The following ADAMTS7 variants were observed in gnomAD, a reference collection of about 807,000 sequenced individuals.
ADAMTS7 encodes the protein ADAM metallopeptidase with thrombospondin type 1 motif 7.
A neutral mutation model predicts 172.6 loss-of-function variants in ADAMTS7; 89 were observed. That is an observed-to-expected ratio of 0.52 (90% CI 0.43 to 0.61). The LOEUF is 0.61. ADAMTS7 is among the 20% of genes least tolerant of loss of function. The probability of loss-of-function intolerance (pLI) is 0.00; values close to 1 mark genes in which losing one functional copy is unlikely to be tolerated. For synonymous variants in ADAMTS7, 885 were observed against 978.4 expected, an observed-to-expected ratio of 0.90 and a Z score of 1.78; for missense variants, 1,973 against 2,355.6, an observed-to-expected ratio of 0.84 and a Z score of 3.36.
At chr15:78,762,653 G>A (rs1471075237) in intron 22 of ADAMTS7, 88 bp from the exon 23 acceptor site, 17 of 1,106,208 alleles carry the variant, frequency 1.5e-5, no homozygotes, top group South Asian at 5.1e-5. Context: ...CCGTCCCTGC[G>A]CCCTGTGCCT....
At chr15:78,767,684 C>G in intron 17 of ADAMTS7, 92 bp from the exon 18 acceptor site, 1 of 1,247,978 alleles carries the variant, frequency 8.0e-7, no homozygotes, top group Non-Finnish European at 1.1e-6. Flanking sequence ...CTTCCAGGCC[C>G]TCGGCATTTG....
chr15:78,763,738 G>C lies in ADAMTS7; in HGVS notation c.4701C>G (p.Thr1567=). 6.3e-7 allele frequency: 1 copy of C among 1,593,482 alleles called. No homozygotes were observed. The highest frequency in any genetic ancestry group is 2.2e-5 in the East Asian group (1 of 44,554). The stretch of plus-strand genomic sequence containing the variant: ...CCACCACCCACTGCGTGCAGGGGTG[G>C]GTGTTGCAGGGCCGGGTGGTGTTGG... ...LRPNTTRPCN[T]HPCTQWVVGP... Residue 1567 remains threonine (T), a synonymous_variant, in exon 22 of 24, where the codon ACC becomes ACG. Transcript: ENST00000388820.
chr15:78,792,197 T>C (rs1279500959), intron 4 of ADAMTS7, among the ~76,000 whole-genome samples: 1 of 152,056 alleles, frequency 6.6e-6, no homozygotes, highest in Admixed American at 6.5e-5. Flanking sequence ...AACAGCGATA[T>C]CATGTGCCAC....
chr15:78,779,643 G>A (rs1468108631), intron 8 of ADAMTS7, among the ~76,000 whole-genome samples: 6 of 152,170 alleles, frequency 3.9e-5, no homozygotes, highest in Non-Finnish European at 8.8e-5. Context: ...AGCGGCGGGT[G>A]GTGGGGTCAG....
At position 78,777,559 on chromosome 15, in the gene ADAMTS7, G is replaced by A. The variant is rs1301128339; in HGVS notation, c.1352C>T (p.Pro451Leu). Residue 451 changes from proline (P) to leucine (L), a missense_variant, in exon 9 of 24, where the codon CCT becomes CTT. By Grantham distance (98) the Pro-to-Leu change is moderately conservative. This residue lies in a region of ADAMTS7 where 526 missense variants were observed against 662.9 expected (regional missense o/e 0.79). Coordinates refer to ENST00000388820, the MANE Select transcript of ADAMTS7 (RefSeq NM_014272.5). ...DRGWGLCLDD[P>L]PAKDIIDFPS... The stretch of plus-strand genomic sequence containing the variant: ...GAAGTCGATAATGTCCTTGGCAGGA[G>A]GGTCGTCCAGGCACAGGCCCCACCC... The A allele has an allele frequency of 1.2e-6, 2 of 1,607,256 alleles. No homozygotes were observed. Among genetic ancestry groups the A allele is most frequent in the Non-Finnish European group, 1.7e-6 (2 of 1,177,200 alleles).
intron 7 of ADAMTS7, among the ~76,000 whole-genome samples, 194 bp from the exon 8 acceptor site, chr15:78,788,568 T>G (rs1025866362): frequency 6.6e-6 from 1 of 152,220 alleles, no homozygotes; most frequent in African/African-American, 2.4e-5. Context: ...AATGAGGGTA[T>G]GACAGCTAGT....
chr15:78,810,410 G>T (rs910146624), intron 1 of ADAMTS7: 1 of 152,342 alleles, frequency 6.6e-6, no homozygotes. Context: ...CGGCCGCCCG[G>T]CAGGTCGCCG....
At chr15:78,800,154 C>A in intron 2 of ADAMTS7, 38 bp downstream of exon 2, 1 of 1,552,366 alleles carries the variant, frequency 6.4e-7, no homozygotes. Flanking sequence ...TCCCACCACC[C>A]GAGACTGCCC....
At chr15:78,790,253 G>C (rs974526183) in intron 6 of ADAMTS7, among the ~76,000 whole-genome samples, 1 of 152,070 alleles carries the variant, frequency 6.6e-6, no homozygotes, top group Non-Finnish European at 1.5e-5. Flanking sequence ...TGTGGGGGTG[G>C]GTAGGTGAAC....
At chr15:78,795,852 G>A (rs1055148563) in intron 4 of ADAMTS7, among the ~76,000 whole-genome samples, 6 of 152,242 alleles carry the variant, frequency 3.9e-5, no homozygotes, top group East Asian at 3.9e-4. Flanking sequence ...TGCAGTAGTC[G>A]GCTCCAGGAA....
intron 22 of ADAMTS7, 133 bp downstream of exon 22, chr15:78,763,566 G>A (rs746895285): frequency 2.4e-5 from 30 of 1,226,234 alleles, no homozygotes; most frequent in Admixed American, 3.4e-5. Flanking sequence ...CCAGCCGGGC[G>A]GGGCCTCGTC....
intron 16 of ADAMTS7, among the ~76,000 whole-genome samples, chr15:78,769,374 C>T (rs1423164588): frequency 7.9e-5 from 12 of 152,314 alleles, no homozygotes; most frequent in Non-Finnish European, 1.3e-4. Context: ...GTCCCACATC[C>T]GTCCCCCTCT....
chr15:78,790,586 C>G (rs1248446660), intron 6 of ADAMTS7, 84 bp downstream of exon 6: 2 of 1,566,006 alleles, frequency 1.3e-6, no homozygotes, highest in Non-Finnish European at 1.7e-6. Context: ...GACAGCACGG[C>G]CCCCTCCTCC....
intron 8 of ADAMTS7, among the ~76,000 whole-genome samples, chr15:78,779,634 G>T (rs2055402556): frequency 6.6e-6 from 1 of 152,202 alleles, no homozygotes; most frequent in African/African-American, 2.4e-5. Context: ...CAGAGTATCA[G>T]CGGCGGGTGG....
intron 8 of ADAMTS7, among the ~76,000 whole-genome samples, chr15:78,780,651 A>G (rs2055415561): frequency 6.6e-6 from 1 of 151,974 alleles, no homozygotes; most frequent in African/African-American, 2.4e-5. Flanking sequence ...ACCCTCTTGG[A>G]CAAGCTCCAG....
At chr15:78,810,991 G>A (rs1383164772) in intron 1 of ADAMTS7, 130 bp downstream of exon 1, 6 of 1,025,950 alleles carry the variant, frequency 5.8e-6, no homozygotes, top group East Asian at 6.6e-5. Context: ...CCAGGGAGCG[G>A]AAGACGCGAC....
At chr15:78,777,994 C>A (rs111559670) in intron 8 of ADAMTS7, among the ~76,000 whole-genome samples, 4 of 152,120 alleles carry the variant, frequency 2.6e-5, no homozygotes, top group Non-Finnish European at 5.9e-5. Context: ...ACAGTTGACA[C>A]AACAGAGCCT....
At chr15:78,798,173 C>T (rs1347741524) in intron 2 of ADAMTS7, 60 bp from the exon 3 acceptor site, 26 of 1,476,306 alleles carry the variant, frequency 1.8e-5, no homozygotes, top group South Asian at 7.0e-5. Flanking sequence ...TCTTCTTGCA[C>T]GTCCCAGAGG....
intron 22 of ADAMTS7, among the ~76,000 whole-genome samples, chr15:78,763,094 T>C (rs2055075877): frequency 6.6e-6 from 1 of 152,170 alleles, no homozygotes; most frequent in African/African-American, 2.4e-5. Context: ...CTTCGTTGCG[T>C]TCCTTCATTT....
Sources: gnomAD v4.1 joint callset for allele counts (sites outside exome capture counted in the v4.1 genomes callset) on GRCh38, gnomAD v4.1.1 for gene constraint, gnomAD v4.1.1 regional missense constraint, MANE v1.5 for transcripts, NCBI Gene and HGNC (gene_info 2026-07-23, HGNC 2026-07-21) for gene names.